ACOX2: variants seen among roughly 807,000 people sequenced by gnomAD.
ACOX2 encodes peroxisomal acyl-coenzyme A oxidase 2.
Under a neutral mutation model 77.5 loss-of-function variants are expected in ACOX2, and 59 were observed. The observed-to-expected ratio is 0.76, with a 90% CI of 0.62 to 0.95. The LOEUF (loss-of-function observed/expected upper bound fraction) is 0.95, where lower values mean the gene tolerates loss of function less well. ACOX2 is among the 40% of genes least tolerant of loss of function. The pLI is 0.00. For synonymous variants in ACOX2, 317 were observed against 340.1 expected (o/e 0.93, Z 0.75); for missense variants, 837 against 880.4 (o/e 0.95, Z 0.62).
chr3:58,531,541 G>T lies in ACOX2; in HGVS notation c.703+152C>A. The T allele has an allele frequency of 7.6e-7, 1 of 1,319,312 alleles. No individual in the cohort carries two copies. The highest frequency in any genetic ancestry group is 1.0e-6 in the Non-Finnish European group (1 of 957,444). The allele number at this position is 1,319,312 out of a possible 1,614,324, so 81.7% of individuals were successfully genotyped here. ...GCTAAATCTTGCTCAAGTTCACCTA[G>T]CCAGTTAGCACCAAGTCTGTCCAAC... On this transcript the variant is annotated intron_variant, in intron 6 of 14. Transcript: ENST00000302819. This position sits in a 1 kb window ranked among gnomAD's most constrained non-coding sequence, Gnocchi z 5.8.
Position 58,524,576 on chromosome 3 carries a change from T to C in ACOX2, c.1376A>G (p.Gln459Arg). Residue 459 changes from glutamine to arginine, a missense_variant, in exon 11 of 15, where the codon CAG (glutamine) becomes CGG (arginine). Coordinates refer to ENST00000302819, the MANE Select transcript of ACOX2 (RefSeq NM_003500.4). The surrounding 1 kb of genome is among the most constrained non-coding windows in gnomAD (Gnocchi z 5.5). ...RFLVKSYLQT[Q>R]MSPGSTPQRS... The stretch of plus-strand genomic sequence containing the variant: ...CTGTGGCGTGGAGCCAGGGGACATC[T>C]GAGTCTGCAGGTAGCTCTTCACCAG... 6.2e-7 allele frequency: 1 copy of C among 1,614,086 alleles called. No homozygotes were observed.
intron 8 of ACOX2, among the ~76,000 whole-genome samples, chr3:58,529,562 G>T (rs930703361): frequency 6.6e-6 from 1 of 152,154 alleles, no homozygotes; most frequent in Non-Finnish European, 1.5e-5. Context: ...CTTACCTGGC[G>T]CATCTTTCTT....
intron 12 of ACOX2, among the ~76,000 whole-genome samples, chr3:58,518,019 G>A (rs1483137763): frequency 7.8e-6 from 1 of 128,386 alleles, no homozygotes; most frequent in Non-Finnish European, 1.5e-5. Context: ...AGGTTGCAGT[G>A]AGCCAAAATC....
rs114569702 is a variant in ACOX2 at position 58,508,830 on chromosome 3, A to G, written c.1983+63T>C. On this transcript the variant is annotated intron_variant, in intron 14 of 14. Transcript: ENST00000302819. ...AATCAATTAAAATGGGAGAACATGA[A>G]GGTGTATTCACTGCCTGTTCTCTGC... is the stretch of plus-strand genomic sequence containing the variant. 1.0e-3 allele frequency: 1,634 copies of G among 1,580,708 alleles called. 13 individuals carry two copies. The African/African-American group carries it at 0.019, about 18-fold the overall frequency.
At position 58,510,657 on chromosome 3, in the gene ACOX2, A is replaced by AT. The variant is rs1490117671; in HGVS notation, c.1851-1633_1851-1632insA. Among the ~76,000 whole-genome samples, 259 of 33,892 alleles carry AT rather than the reference A, an allele frequency of 7.6e-3. 18 individuals are homozygous for AT. Among genetic ancestry groups the AT allele is most frequent in the African/African-American group, 8.6e-3 (68 of 7,872 alleles). The allele number at this position is 33,892 out of a possible 152,430, so 22.2% of individuals were successfully genotyped here. A position where few individuals can be genotyped will look rare whatever the true frequency, so the allele number is the denominator to read the frequency against. On this transcript the variant is annotated intron_variant, in intron 13 of 14. Coordinates refer to ENST00000302819, the MANE Select transcript of ACOX2 (RefSeq NM_003500.4). ...CAAAAAAAAAAAAAAAAAAAAAAAA[A>AT]AAAAAAATATATATATATATATATA...
At position 58,534,254 on chromosome 3, in the gene ACOX2, C is replaced by T. The variant is rs911091159; in HGVS notation, c.323+106G>A. ...AAAGGGCACCTAGCATCCTGGTTTC[C>T]CAACAAGTCTTCCCTTTGTTGGGGG... On this transcript the variant is annotated intron_variant, in intron 3 of 14. Coordinates refer to ENST00000302819, the MANE Select transcript of ACOX2 (RefSeq NM_003500.4). The surrounding 1 kb of genome is among the most constrained non-coding windows in gnomAD (Gnocchi z 4.8). The T allele has an allele frequency of 2.7e-5, 42 of 1,575,548 alleles. No individual in the cohort carries two copies. Among genetic ancestry groups the T allele is most frequent in the Admixed American group, 9.2e-5 (5 of 54,340 alleles).
At chr3:58,507,993 C>G (rs1359027121) in intron 14 of ACOX2, among the ~76,000 whole-genome samples, 1 of 152,180 alleles carries the variant, frequency 6.6e-6, no homozygotes, top group Non-Finnish European at 1.5e-5. Context: ...AAAGCTTCAC[C>G]ACCTGAATCA....
At position 58,521,571 on chromosome 3, in the gene ACOX2, C is replaced by T. The variant is rs944130494; in HGVS notation, c.1632+925G>A. 3.9e-5 allele frequency among the ~76,000 whole-genome samples: 6 copies of T among 152,240 alleles called. No homozygotes were observed. The highest frequency in any genetic ancestry group is 4.1e-4 in the South Asian group (2 of 4,832). Reference sequence around the variant, plus strand: ...GGACCACCCTCAGTCCCGGTTCAGACTTGCTCCTTTCTAACTTGCTCCCTT... The same window carrying T: ...GGACCACCCTCAGTCCCGGTTCAGATTTGCTCCTTTCTAACTTGCTCCCTT... On this transcript the variant is annotated intron_variant, in intron 12 of 14. Coordinates refer to ENST00000302819, the MANE Select transcript of ACOX2 (RefSeq NM_003500.4). This position sits in a 1 kb window ranked among gnomAD's most constrained non-coding sequence, Gnocchi z 4.8.
intron 13 of ACOX2, among the ~76,000 whole-genome samples, chr3:58,510,796 T>G (rs999149479): frequency 2.0e-5 from 3 of 148,896 alleles, no homozygotes; most frequent in Non-Finnish European, 3.0e-5. Context: ...TACCTCTTTG[T>G]CTTTAGTTTT....
Position 58,522,440 on chromosome 3 carries a change from T to G in ACOX2, c.1632+56A>C. On this transcript the variant is annotated intron_variant, in intron 12 of 14. Transcript: ENST00000302819. The surrounding 1 kb of genome is among the most constrained non-coding windows in gnomAD (Gnocchi z 4.3). ...CAGAGCCCGGATTTTCCCAGCAGGGTAGCCTGCCTGGGAAGCAAAATGGAT... is the reference window on the plus strand; with the variant it reads ...CAGAGCCCGGATTTTCCCAGCAGGGGAGCCTGCCTGGGAAGCAAAATGGAT... 6.5e-7 allele frequency: 1 copy of G among 1,546,438 alleles called. No homozygotes were observed. Among genetic ancestry groups the G allele is most frequent in the Non-Finnish European group, 8.9e-7 (1 of 1,120,974 alleles).
intron 8 of ACOX2, among the ~76,000 whole-genome samples, chr3:58,529,492 G>T (rs951454534): frequency 6.6e-6 from 1 of 152,190 alleles, no homozygotes; most frequent in Non-Finnish European, 1.5e-5. Context: ...TTAGGAGCTC[G>T]CAGTAACTGG....
At chr3:58,527,325 C>T (rs1343319771) in intron 9 of ACOX2, among the ~76,000 whole-genome samples, 1 of 152,032 alleles carries the variant, frequency 6.6e-6, no homozygotes, top group South Asian at 2.1e-4. Flanking sequence ...ATCACGAGGT[C>T]AGGAGATCGA....
At chr3:58,510,060 C>T (rs983505921) in intron 13 of ACOX2, among the ~76,000 whole-genome samples, 8 of 152,178 alleles carry the variant, frequency 5.3e-5, no homozygotes, top group Non-Finnish European at 8.8e-5. Context: ...CCTCTCTTCA[C>T]TCCTACCTCC....
intron 1 of ACOX2, among the ~76,000 whole-genome samples, chr3:58,536,551 C>T (rs1011791579): frequency 2.6e-5 from 4 of 152,146 alleles, no homozygotes; most frequent in African/African-American, 9.6e-5. Flanking sequence ...CATCCTCTGC[C>T]CCCCGGAGTC....
chr3:58,535,833 C>T lies in ACOX2; in HGVS notation c.-91-636G>A, dbSNP rs1271762121. Among the ~76,000 whole-genome samples, 2 of 152,148 alleles carry T rather than the reference C, an allele frequency of 1.3e-5. No individual in the cohort carries two copies. On this transcript the variant is annotated intron_variant, in intron 1 of 14. Transcript: ENST00000302819. The surrounding 1 kb of genome is among the most constrained non-coding windows in gnomAD (Gnocchi z 4.8). ...TGGCAAGTGCTTGGCCTCTGAGAAG[C>T]CCCTATTCCTCCACAGTGAGGCAAC...
intron 13 of ACOX2, among the ~76,000 whole-genome samples, chr3:58,510,657 A>G (rs1200127376): frequency 3.0e-5 from 1 of 33,898 alleles, no homozygotes; most frequent in African/African-American, 1.3e-4. Context: ...AAAAAAAAAA[A>G]AAAAAAATAT....
At position 58,519,109 on chromosome 3, in the gene ACOX2, GC is replaced by G. The variant is rs2063341602; in HGVS notation, c.1633-1687del. On this transcript the variant is annotated intron_variant, in intron 12 of 14. Coordinates refer to ENST00000302819, the MANE Select transcript of ACOX2 (RefSeq NM_003500.4). This position sits in a 1 kb window ranked among gnomAD's most constrained non-coding sequence, Gnocchi z 5.0. ...TAGAGTGTCTTGGGGGTTCGGCTGGGCGCGGTGGCTCACACCTATATCCCAG... is the reference window on the plus strand; with the variant it reads ...TAGAGTGTCTTGGGGGTTCGGCTGGGGCGGTGGCTCACACCTATATCCCAG... 6.6e-6 allele frequency among the ~76,000 whole-genome samples: 1 copy of G among 152,140 alleles called. No homozygotes were observed. Among genetic ancestry groups the G allele is most frequent in the Non-Finnish European group, 1.5e-5 (1 of 68,026 alleles).
Position 58,526,575 on chromosome 3 carries a change from C to T in ACOX2, c.1237G>A (p.Gly413Ser), listed in dbSNP as rs969411345. 7.4e-6 allele frequency: 12 copies of T among 1,614,208 alleles called. No homozygotes were observed. The highest frequency in any genetic ancestry group is 1.0e-5 in the Non-Finnish European group (12 of 1,180,032). Residue 413 changes from glycine (G) to serine (S), a missense_variant, in exon 10 of 15, where the codon GGC becomes AGC. Physicochemically the swap from Gly to Ser is moderately conservative, Grantham distance 56. Transcript: ENST00000302819. This position sits in a 1 kb window ranked among gnomAD's most constrained non-coding sequence, Gnocchi z 4.3. ...QGAEMCRRAC[G>S]GHGYSKLSGL... is the part of the protein sequence containing the mutation. ...CTCAGCTTTGAGTAGCCATGTCCGCCACAGGCCCTGCGGCACATCTCAGCT... is the reference window on the plus strand; with the variant it reads ...CTCAGCTTTGAGTAGCCATGTCCGCTACAGGCCCTGCGGCACATCTCAGCT...
In ACOX2 at chr3:58,522,577, A is replaced by G. The variant is rs2063366268; in HGVS notation, c.1551T>C (p.His517=). 6.2e-7 allele frequency: 1 copy of G among 1,614,184 alleles called. No individual in the cohort carries two copies. The highest frequency in any genetic ancestry group is 1.3e-5 in the African/African-American group (1 of 75,040). ...AVRLIKDSVQ[H]LQTLTQSGAD... is the part of the protein sequence containing the mutation. ...CTCCGGATTGCGTCAGGGTCTGTAA[A>G]TGCTGCACTGAGTCCTTTATGAGCC... is the stretch of plus-strand genomic sequence containing the variant. The change falls in exon 12 of 15, where the codon CAT becomes CAC. Residue 517 remains histidine (H), a synonymous_variant. Transcript: ENST00000302819. The surrounding 1 kb of genome is among the most constrained non-coding windows in gnomAD (Gnocchi z 4.3).
Sources: allele counts gnomAD v4.1 joint callset (sites outside exome capture counted in the v4.1 genomes callset), GRCh38; gene constraint gnomAD v4.1.1; non-coding constraint Gnocchi (gnomAD v3.1); transcripts MANE v1.5; gene names NCBI Gene and HGNC (gene_info 2026-07-23, HGNC 2026-07-21).